KCNIP4: variants seen among roughly 807,000 people sequenced by gnomAD.
KCNIP4 encodes the protein Kv channel-interacting protein 4.
Under a neutral mutation model 34.0 loss-of-function variants are expected in KCNIP4, and 12 were observed. The observed-to-expected ratio is 0.35, with a 90% CI of 0.23 to 0.57. The LOEUF (loss-of-function observed/expected upper bound fraction) is 0.57. Ranked by LOEUF, KCNIP4 falls within the 20% of genes least tolerant of loss-of-function variation. KCNIP4 has a pLI of 0.83. For synonymous variants in KCNIP4, 124 were observed against 102.2 expected, an observed-to-expected ratio of 1.21 and a Z score of -1.29; for missense variants, 238 against 311.7, an observed-to-expected ratio of 0.76 and a Z score of 1.78.
intron 1 of KCNIP4, among the ~76,000 whole-genome samples, chr4:20,934,801 G>A (rs1187582500): frequency 2.0e-5 from 3 of 152,190 alleles, no homozygotes; most frequent in African/African-American, 7.2e-5. Flanking sequence ...GAGCTGCCTT[G>A]ACAAATGACC....
chr4:20,729,008 G>T lies in KCNIP4; in HGVS notation c.*1074C>A, dbSNP rs527625689. 6.6e-6 allele frequency: 1 copy of T among 152,386 alleles called. No homozygotes were observed. The highest frequency in any genetic ancestry group is 2.1e-4 in the South Asian group (1 of 4,828). The allele number at this position is 152,386 out of a possible 1,614,324, so 9.4% of individuals were successfully genotyped here. ...ACTTATTTTCTACTAAATCTTGGTA[G>T]TAGTTGTCAATGTAATGGAACCACT... is the stretch of plus-strand genomic sequence containing the variant. On this transcript the variant is annotated 3_prime_UTR_variant, in exon 9 of 9. Transcript: ENST00000382152.
chr4:20,760,590 C>T (rs1397168576), intron 3 of KCNIP4, among the ~76,000 whole-genome samples: 1 of 152,114 alleles, frequency 6.6e-6, no homozygotes, highest in African/African-American at 2.4e-5. Context: ...TACAGAGCTT[C>T]TCGATATGGT....
intron 1 of KCNIP4, among the ~76,000 whole-genome samples, chr4:21,343,724 C>A (rs777890606): frequency 2.6e-5 from 4 of 152,074 alleles, no homozygotes; most frequent in Non-Finnish European, 2.9e-5. Flanking sequence ...GGGGGAGCTT[C>A]AAACATTCAC....
At chr4:20,879,755 G>T (rs534048904) in intron 2 of KCNIP4, among the ~76,000 whole-genome samples, 4 of 152,268 alleles carry the variant, frequency 2.6e-5, no homozygotes, top group Admixed American at 1.3e-4. Flanking sequence ...GAAGAAATAT[G>T]TATGCTTTGC....
rs192508591 is a variant in KCNIP4, at chr4:21,585,234, C to T, written c.61+363337G>A. On this transcript the variant is annotated intron_variant, in intron 1 of 8. Coordinates refer to ENST00000382152, the MANE Select transcript of KCNIP4 (RefSeq NM_025221.6). ...CATCTCCATCCTCTGCATGAGGATA[C>T]TGACATTCAGAGAGCTTATGCTGCA... is the stretch of plus-strand genomic sequence containing the variant. Among the ~76,000 whole-genome samples the T allele has an allele frequency of 2.4e-3, 362 of 152,132 alleles. 2 individuals are homozygous for T. The highest frequency in any genetic ancestry group is 8.4e-3 in the African/African-American group (347 of 41,520).
At chr4:21,256,061 A>C (rs1761043979) in intron 1 of KCNIP4, among the ~76,000 whole-genome samples, 1 of 152,048 alleles carries the variant, frequency 6.6e-6, no homozygotes. Context: ...GGTAAAAAAA[A>C]AAATTAGGAT....
intron 1 of KCNIP4, among the ~76,000 whole-genome samples, chr4:21,869,775 TAGATAGATAGACAGACAGAC>T (rs1725662771): frequency 5.7e-5 from 5 of 87,552 alleles, no homozygotes; most frequent in African/African-American, 1.4e-4. Context: ...GATAGATAGA[TAGATAGATAGACAGACAGAC>T]AGATAGATAG....
intron 1 of KCNIP4, among the ~76,000 whole-genome samples, chr4:21,417,676 T>A (rs1324202660): frequency 6.6e-6 from 1 of 152,226 alleles, no homozygotes; most frequent in South Asian, 2.1e-4. Flanking sequence ...GAGCACGGTG[T>A]TTTTAGCATG....
chr4:20,882,463 C>T (rs1724802034), intron 2 of KCNIP4, 145 bp downstream of exon 2: 2 of 636,860 alleles, frequency 3.1e-6, no homozygotes, highest in Non-Finnish European at 5.5e-6. Context: ...AAATGTTCTC[C>T]TGGGTATTTA....
chr4:21,652,421 G>A (rs1747570067), intron 1 of KCNIP4, among the ~76,000 whole-genome samples: 1 of 152,110 alleles, frequency 6.6e-6, no homozygotes, highest in African/African-American at 2.4e-5. Flanking sequence ...GGGGATGTCA[G>A]GTGGGAGGTG....
intron 1 of KCNIP4, among the ~76,000 whole-genome samples, chr4:20,890,663 A>T (rs77601874): frequency 0.019 from 2,883 of 152,254 alleles, 40 homozygotes; most frequent in Non-Finnish European, 0.032. Context: ...CTGCATCTAG[A>T]TGTCAAACCA....
chr4:21,292,264 C>G (rs995247376), intron 1 of KCNIP4, among the ~76,000 whole-genome samples: 4 of 152,192 alleles, frequency 2.6e-5, no homozygotes, highest in Admixed American at 2.6e-4. Flanking sequence ...CATCACACAT[C>G]TGGAGGACAC....
chr4:21,809,996 A>G (rs1308918427), intron 1 of KCNIP4, among the ~76,000 whole-genome samples: 1 of 152,100 alleles, frequency 6.6e-6, no homozygotes, highest in Non-Finnish European at 1.5e-5. Context: ...CTTTTAAGGT[A>G]TGGTAAATGG....
intron 1 of KCNIP4, among the ~76,000 whole-genome samples, chr4:20,905,756 G>A (rs545373561): frequency 2.0e-5 from 3 of 151,450 alleles, no homozygotes; most frequent in African/African-American, 4.8e-5. Flanking sequence ...TCCTGATGTC[G>A]TGATCCGCCC....
At position 21,374,201 on chromosome 4, in the gene KCNIP4, C is replaced by T. The variant is rs923372082; in HGVS notation, c.62-491492G>A. 1.0e-4 allele frequency among the ~76,000 whole-genome samples: 15 copies of T among 147,058 alleles called. 1 individual carries two copies. The highest frequency in any genetic ancestry group is 4.6e-4 in the Admixed American group (7 of 15,166). ...ATAGGTGAGTGTATTAGTTCATTTT[C>T]ACCCTGCTGATAAAGACATACCCAA... On this transcript the variant is annotated intron_variant, in intron 1 of 8. Coordinates refer to ENST00000382152, the MANE Select transcript of KCNIP4 (RefSeq NM_025221.6).
At chr4:21,343,168 T>G (rs370216852) in intron 1 of KCNIP4, among the ~76,000 whole-genome samples, 1 of 152,208 alleles carries the variant, frequency 6.6e-6, no homozygotes. Context: ...GAAGCTGCTT[T>G]TAAGTCTATG....
intron 1 of KCNIP4, chr4:21,848,383 G>A (rs1724158314): frequency 6.6e-6 from 1 of 152,100 alleles, no homozygotes; most frequent in Non-Finnish European, 1.5e-5. Context: ...CGCTCACCCA[G>A]CTGTGTGACC....
Position 21,838,536 on chromosome 4 carries a change from C to T in KCNIP4, c.61+110035G>A, listed in dbSNP as rs548054941. ...ATTTCTTCTATGTATTCTGGTTACC[C>T]GTTGGTCTACCATCATTTTATATCT... On this transcript the variant is annotated intron_variant, in intron 1 of 8. Transcript: ENST00000382152. 5.8e-4 allele frequency among the ~76,000 whole-genome samples: 88 copies of T among 152,232 alleles called. No individual in the cohort carries two copies. The Middle Eastern group carries it at 0.017, about 29-fold the overall frequency.
intron 1 of KCNIP4, among the ~76,000 whole-genome samples, chr4:21,547,625 T>C (rs948207519): frequency 4.6e-5 from 7 of 152,084 alleles, no homozygotes; most frequent in African/African-American, 1.4e-4. Flanking sequence ...CTTAAGCATA[T>C]GCACAAAACT....
Sources: allele counts gnomAD v4.1 joint callset (sites outside exome capture counted in the v4.1 genomes callset), GRCh38; gene constraint gnomAD v4.1.1; transcripts MANE v1.5; gene names NCBI Gene and HGNC (gene_info 2026-07-23, HGNC 2026-07-21).